FRMD3: variants seen among roughly 807,000 people sequenced by gnomAD.
FRMD3 encodes FERM domain containing 3.
In FRMD3, 33 loss-of-function variants were observed where a neutral mutation model predicts 70.2. The ratio of observed to expected loss-of-function variants is 0.47; its 90% confidence interval spans 0.36 to 0.63. FRMD3 has a LOEUF of 0.63. Among genes scored for constraint, FRMD3 ranks in the 20% least tolerant of loss-of-function variants. The pLI, the probability that FRMD3 is intolerant of heterozygous loss-of-function variation, is 0.00. For synonymous variants in FRMD3, 279 were observed against 255.9 expected, an observed-to-expected ratio of 1.09 and a Z score of -0.86; for missense variants, 632 against 711.4, an observed-to-expected ratio of 0.89 and a Z score of 1.27.
In FRMD3 at chr9:83,535,841, C is replaced by T. The variant is rs1334711037; in HGVS notation, c.147+2244G>A. Among the ~76,000 whole-genome samples the T allele has an allele frequency of 2.0e-5, 3 of 151,866 alleles. No homozygotes were observed. In the East Asian group the frequency reaches 5.8e-4, roughly 29 times the overall value. ...TGTGACAATATATACAATCCTTTAA[C>T]TTTGTAGTTCTATAGAAGGAAGGAA... On this transcript the variant is annotated intron_variant, in intron 1 of 13. Transcript: ENST00000304195.
At chr9:83,312,051 T>C in intron 7 of FRMD3, 76 bp from the exon 8 acceptor site, 1 of 1,111,204 alleles carries the variant, frequency 9.0e-7, no homozygotes, top group Non-Finnish European at 1.3e-6. Context: ...CCAATATATT[T>C]ATTCATCCTC....
chr9:83,348,540 G>C (rs986951640), intron 4 of FRMD3, among the ~76,000 whole-genome samples: 2 of 152,112 alleles, frequency 1.3e-5, no homozygotes, highest in African/African-American at 4.8e-5. Flanking sequence ...TCTAGAATTA[G>C]ATGGTGGGGA....
At chr9:83,345,085 C>G (rs1261416674) in intron 4 of FRMD3, among the ~76,000 whole-genome samples, 3 of 152,170 alleles carry the variant, frequency 2.0e-5, no homozygotes, top group African/African-American at 4.8e-5. Context: ...TCACTGAAAG[C>G]ACACTGGATC....
chr9:83,502,612 T>G (rs1352599931), intron 1 of FRMD3, among the ~76,000 whole-genome samples: 1 of 152,020 alleles, frequency 6.6e-6, no homozygotes. Context: ...GGCAGACAAA[T>G]CAGGATGGTA....
At chr9:83,309,799 T>C (rs200023774) in intron 9 of FRMD3, among the ~76,000 whole-genome samples, 175 bp from the exon 10 acceptor site, 145 of 92,860 alleles carry the variant, frequency 1.6e-3, no homozygotes, top group Non-Finnish European at 9.0e-4. Flanking sequence ...TATTCACCCC[T>C]CCCTCACCCT....
At chr9:83,278,138 C>G (rs13288171) in intron 13 of FRMD3, among the ~76,000 whole-genome samples, 1 of 152,140 alleles carries the variant, frequency 6.6e-6, no homozygotes, top group African/African-American at 2.4e-5. Flanking sequence ...AGAAAAGAAA[C>G]AGCCATACAA....
upstream of FRMD3, chr9:83,538,507 C>A (rs1185922641): frequency 3.4e-6 from 1 of 292,740 alleles, no homozygotes; most frequent in African/African-American, 2.2e-5. The surrounding 1 kb of genome is among the most constrained non-coding windows in gnomAD (Gnocchi z 4.7). Context: ...GGCTCGCTCG[C>A]CGAGGACGCC....
intron 6 of FRMD3, among the ~76,000 whole-genome samples, chr9:83,319,489 T>G (rs1835712928): frequency 6.6e-6 from 1 of 152,226 alleles, no homozygotes; most frequent in South Asian, 2.1e-4. Context: ...TGGCATGATC[T>G]TGGCTCACTG....
At chr9:83,364,150 A>C (rs1824712418) in intron 3 of FRMD3, among the ~76,000 whole-genome samples, 1 of 152,190 alleles carries the variant, frequency 6.6e-6, no homozygotes, top group Non-Finnish European at 1.5e-5. Flanking sequence ...TTGTAGCATC[A>C]AACATAATAC....
At chr9:83,294,670 T>C (rs1834587513) in intron 12 of FRMD3, among the ~76,000 whole-genome samples, 1 of 152,158 alleles carries the variant, frequency 6.6e-6, no homozygotes, top group Non-Finnish European at 1.5e-5. Flanking sequence ...TCAGGGAGCT[T>C]ATGTAATGTG....
chr9:83,290,476 C>G, intron 13 of FRMD3, 127 bp downstream of exon 13: 1 of 1,044,356 alleles, frequency 9.6e-7, no homozygotes, highest in African/African-American at 1.6e-5. Flanking sequence ...TTACTAAAAA[C>G]ATAGTTTATG....
intron 13 of FRMD3, among the ~76,000 whole-genome samples, chr9:83,280,263 T>C (rs1833928557): frequency 6.6e-6 from 1 of 152,182 alleles, no homozygotes; most frequent in Non-Finnish European, 1.5e-5. Flanking sequence ...GGCCCTCTCA[T>C]TCTCTGTCCA....
chr9:83,523,409 A>C (rs919996929), intron 1 of FRMD3, among the ~76,000 whole-genome samples: 2 of 152,080 alleles, frequency 1.3e-5, no homozygotes, highest in African/African-American at 4.8e-5. Context: ...CTCCCTCTCT[A>C]TCTCTCTCTG....
intron 3 of FRMD3, among the ~76,000 whole-genome samples, chr9:83,366,009 G>A (rs766619252): frequency 1.3e-5 from 2 of 152,076 alleles, no homozygotes; most frequent in Non-Finnish European, 2.9e-5. Flanking sequence ...GACCAGTTTC[G>A]TCCAGACAGG....
chr9:83,346,276 A>G (rs1351671899), intron 4 of FRMD3, among the ~76,000 whole-genome samples: 1 of 151,448 alleles, frequency 6.6e-6, no homozygotes, highest in Non-Finnish European at 1.5e-5. Context: ...AAAAAAAAAA[A>G]AAAGTGCAAA....
In FRMD3 at chr9:83,247,750, CTTAT is replaced by C. The variant is rs1832178855; in HGVS notation, c.*164_*167del. ...CTAAAATAACTGTATTTGATTTAAA[CTTAT>C]TTAAGTGCAGTGAATTATGGAAAGC... On this transcript the variant is annotated 3_prime_UTR_variant, in exon 14 of 14. Coordinates refer to ENST00000304195, the MANE Select transcript of FRMD3 (RefSeq NM_174938.6). 1 of 1,454,170 alleles carries C rather than the reference CTTAT, an allele frequency of 6.9e-7. No individual in the cohort carries two copies. 90.1% of individuals were successfully genotyped at this position (1,454,170 alleles called of 1,614,324 possible).
chr9:83,560,147 G>T, the FRMD3 span, among the ~76,000 whole-genome samples: 1 of 152,180 alleles, frequency 6.6e-6, no homozygotes, highest in Non-Finnish European at 1.5e-5. Flanking sequence ...TTCTCTAGCT[G>T]TATTAAAATT....
intron 1 of FRMD3, among the ~76,000 whole-genome samples, chr9:83,439,116 C>T (rs1564077760): frequency 6.6e-6 from 1 of 152,230 alleles, no homozygotes; most frequent in Non-Finnish European, 1.5e-5. Context: ...ATGGGGGCCA[C>T]ACCCAGCCCA....
intron 1 of FRMD3, among the ~76,000 whole-genome samples, chr9:83,465,190 C>G (rs1828092578): frequency 1.3e-5 from 2 of 152,168 alleles, no homozygotes; most frequent in South Asian, 4.2e-4. Context: ...CAGGGCAACA[C>G]AGAGATGAAC....
Sources: gnomAD v4.1 joint callset for allele counts (sites outside exome capture counted in the v4.1 genomes callset) on GRCh38, gnomAD v4.1.1 for gene constraint, Gnocchi (gnomAD v3.1) non-coding constraint, MANE v1.5 for transcripts, NCBI Gene and HGNC (gene_info 2026-07-23, HGNC 2026-07-21) for gene names.